CFAP20DC: variants seen among roughly 807,000 people sequenced by gnomAD.
The protein encoded by CFAP20DC is protein CFAP20DC.
Under a neutral mutation model 101.7 loss-of-function variants are expected in CFAP20DC, and 84 were observed. The observed-to-expected ratio is 0.83, with a 90% confidence interval of 0.69 to 0.99. The LOEUF (loss-of-function observed/expected upper bound fraction) is 0.99. Ranked by LOEUF, CFAP20DC falls within the 50% of genes least tolerant of loss-of-function variation. The probability of loss-of-function intolerance (pLI) is 0.00; values close to 1 mark genes in which losing one functional copy is unlikely to be tolerated. For missense variants in CFAP20DC, 1,007 were observed against 970.3 expected, an observed-to-expected ratio of 1.04 and a Z score of -0.50; for synonymous variants, 359 against 351.2, an observed-to-expected ratio of 1.02 and a Z score of -0.25.
At chr3:59,027,602 A>C (rs1473300941) in intron 4 of CFAP20DC, among the ~76,000 whole-genome samples, 2 of 152,388 alleles carry the variant, frequency 1.3e-5, no homozygotes, top group East Asian at 3.9e-4. Context: ...AAAAGGAATT[A>C]ATGCAGCTCA....
intron 6 of CFAP20DC, among the ~76,000 whole-genome samples, chr3:58,890,155 G>A (rs867598985): frequency 2.7e-5 from 4 of 148,660 alleles, no homozygotes; most frequent in East Asian, 2.1e-4. Context: ...CTCACCTCCC[G>A]GACGGGGCGG....
chr3:58,825,040 C>A (rs772283169), intron 14 of CFAP20DC, among the ~76,000 whole-genome samples: 17 of 152,008 alleles, frequency 1.1e-4, no homozygotes, highest in Non-Finnish European at 1.6e-4. Flanking sequence ...AATAAACCTA[C>A]TTTTCTTGAA....
intron 14 of CFAP20DC, among the ~76,000 whole-genome samples, chr3:58,816,207 G>A (rs1335806586): frequency 6.6e-6 from 1 of 152,072 alleles, no homozygotes; most frequent in Non-Finnish European, 1.5e-5. Flanking sequence ...CATGTCCTTT[G>A]TAGGGACATG....
At chr3:58,803,847 TTAAA>T (rs199581682) in intron 15 of CFAP20DC, among the ~76,000 whole-genome samples, 2,046 of 152,366 alleles carry the variant, frequency 0.013, 35 homozygotes, top group African/African-American at 0.045. Flanking sequence ...TTAATTTTTC[TTAAA>T]TAAATAAACA....
chr3:58,934,408 C>T (rs1198598555), intron 5 of CFAP20DC, among the ~76,000 whole-genome samples: 1 of 152,232 alleles, frequency 6.6e-6, no homozygotes, highest in South Asian at 2.1e-4. Context: ...AGGAATCCTC[C>T]CTAACTCATT....
At chr3:58,760,642 G>T (rs549209859) in intron 15 of CFAP20DC, among the ~76,000 whole-genome samples, 10 of 152,168 alleles carry the variant, frequency 6.6e-5, no homozygotes, top group South Asian at 2.1e-4. Flanking sequence ...TCCAGTTTTT[G>T]CCCATTCAGT....
rs141690180 is a variant in CFAP20DC, at chr3:58,769,780, G to A, written c.2238-15917C>T. On this transcript the variant is annotated intron_variant, in intron 15 of 16. Transcript: ENST00000482387. Reference sequence around the variant, plus strand: ...TACCATAGCAAAAGGCGGGAAACACGATGCATAAACAACTACTACTGTGTT... The same window carrying A: ...TACCATAGCAAAAGGCGGGAAACACAATGCATAAACAACTACTACTGTGTT... 8.9e-4 allele frequency among the ~76,000 whole-genome samples: 135 copies of A among 152,272 alleles called. 1 individual carries two copies. Among genetic ancestry groups the A allele is most frequent in the African/African-American group, 3.0e-3 (126 of 41,562 alleles).
chr3:58,954,437 T>A (rs1217677090), intron 4 of CFAP20DC, among the ~76,000 whole-genome samples: 1 of 152,190 alleles, frequency 6.6e-6, no homozygotes, highest in Non-Finnish European at 1.5e-5. Context: ...TTCCTCATCA[T>A]GACCTAAAAA....
chr3:58,791,279 T>C (rs74284398), intron 15 of CFAP20DC, among the ~76,000 whole-genome samples: 8,427 of 152,252 alleles, frequency 0.055, 514 homozygotes, highest in East Asian at 0.35. Flanking sequence ...TAAAAATATA[T>C]ATGCCAGGCC....
At chr3:58,936,967 A>AG (rs1287714694) in intron 5 of CFAP20DC, among the ~76,000 whole-genome samples, 1 of 151,982 alleles carries the variant, frequency 6.6e-6, no homozygotes, top group Non-Finnish European at 1.5e-5. Context: ...AAAAAAAAAA[A>AG]AGAGAGATAG....
At position 59,007,391 on chromosome 3, in the gene CFAP20DC, C is replaced by T. The variant is rs534778289; in HGVS notation, c.278+32166G>A. ...CTCCCTTCTACTACTGCAGCTGGCGCTCTCTGGAAAGCACCACCTCCTGGC... is the reference window on the plus strand; with the variant it reads ...CTCCCTTCTACTACTGCAGCTGGCGTTCTCTGGAAAGCACCACCTCCTGGC... On this transcript the variant is annotated intron_variant, in intron 4 of 16. Coordinates refer to ENST00000482387, the MANE Select transcript of CFAP20DC (RefSeq NM_001394063.1). This position sits in a 1 kb window ranked among gnomAD's most constrained non-coding sequence, Gnocchi z 4.4. 6.6e-6 allele frequency among the ~76,000 whole-genome samples: 1 copy of T among 152,340 alleles called. No individual in the cohort carries two copies. The highest frequency in any genetic ancestry group is 2.1e-4 in the South Asian group (1 of 4,822).
intron 13 of CFAP20DC, among the ~76,000 whole-genome samples, chr3:58,841,611 C>G (rs1043615856): frequency 2.6e-5 from 4 of 152,194 alleles, no homozygotes; most frequent in Non-Finnish European, 5.9e-5. Flanking sequence ...TGTGCTCACA[C>G]TATTCTATGG....
At chr3:58,974,845 G>A (rs1029430621) in intron 4 of CFAP20DC, among the ~76,000 whole-genome samples, 7 of 151,944 alleles carry the variant, frequency 4.6e-5, no homozygotes, top group Non-Finnish European at 8.8e-5. Context: ...TATCCAGCCC[G>A]CCACCACTGG....
chr3:58,845,638 A>G (rs1422886332), intron 13 of CFAP20DC, among the ~76,000 whole-genome samples: 1 of 152,184 alleles, frequency 6.6e-6, no homozygotes, highest in Non-Finnish European at 1.5e-5. Flanking sequence ...ATACAAAAAG[A>G]GGGAATCCTC....
chr3:58,842,924 G>C (rs573947000), intron 13 of CFAP20DC, among the ~76,000 whole-genome samples: 10 of 152,134 alleles, frequency 6.6e-5, no homozygotes, highest in African/African-American at 1.7e-4. Context: ...ACACGGCAGC[G>C]TATTCCAACA....
intron 3 of CFAP20DC, among the ~76,000 whole-genome samples, chr3:58,719,201 C>T (rs892405908): frequency 2.6e-5 from 4 of 152,158 alleles, no homozygotes; most frequent in African/African-American, 9.7e-5. Flanking sequence ...CATGATTGTG[C>T]CACTGTACTC....
At chr3:58,842,950 G>T (rs2077275202) in intron 13 of CFAP20DC, among the ~76,000 whole-genome samples, 1 of 152,174 alleles carries the variant, frequency 6.6e-6, no homozygotes, top group Admixed American at 6.6e-5. Context: ...GCAGCTGAGG[G>T]TCCTGTCTGT....
intron 4 of CFAP20DC, among the ~76,000 whole-genome samples, chr3:58,951,779 G>A (rs1463786576): frequency 1.3e-5 from 2 of 151,938 alleles, no homozygotes; most frequent in African/African-American, 4.8e-5. Context: ...AGAGGGGAGG[G>A]ATAACATTAG....
chr3:58,771,589 G>T (rs1320683640), intron 15 of CFAP20DC, among the ~76,000 whole-genome samples: 1 of 152,122 alleles, frequency 6.6e-6, no homozygotes, highest in Non-Finnish European at 1.5e-5. Context: ...GTAGATGCAA[G>T]AAGAGCTCTC....
Sources: gnomAD v4.1 joint callset for allele counts (sites outside exome capture counted in the v4.1 genomes callset) on GRCh38, gnomAD v4.1.1 for gene constraint, Gnocchi (gnomAD v3.1) non-coding constraint, MANE v1.5 for transcripts, NCBI Gene and HGNC (gene_info 2026-07-23, HGNC 2026-07-21) for gene names.